NFIA: variants seen among roughly 807,000 people sequenced by gnomAD.
NFIA encodes nuclear factor 1 A-type.
NFIA carries 8 observed loss-of-function variants against 62.8 expected under a neutral mutation model. The observed-to-expected ratio is 0.13, with a 90% CI of 0.07 to 0.23. The LOEUF is 0.23. Ranked by LOEUF, NFIA falls within the 10% of genes least tolerant of loss-of-function variation. The pLI, the probability that NFIA is intolerant of heterozygous loss-of-function variation, is 1.00. For missense variants in NFIA, 410 were observed against 642.1 expected (o/e 0.64, Z 3.91); for synonymous variants, 235 against 238.1 (o/e 0.99, Z 0.12).
At chr1:61,267,413 G>T (rs905139708) in intron 2 of NFIA, among the ~76,000 whole-genome samples, 1 of 152,108 alleles carries the variant, frequency 6.6e-6, no homozygotes, top group African/African-American at 2.4e-5. Flanking sequence ...GGAGGCTGAG[G>T]CAGGAGAATC....
intron 2 of NFIA, among the ~76,000 whole-genome samples, chr1:61,182,095 C>T (rs975559685): frequency 6.6e-6 from 1 of 152,100 alleles, no homozygotes; most frequent in African/African-American, 2.4e-5. Flanking sequence ...ACTTTAAATT[C>T]TTTCTGTATT....
intron 6 of NFIA, among the ~76,000 whole-genome samples, chr1:61,379,099 C>T (rs4397679): frequency 0.072 from 10,888 of 152,154 alleles, 503 homozygotes; most frequent in Middle Eastern, 0.13. Flanking sequence ...ATCACCTTTG[C>T]GGTATAATAT....
chr1:61,226,893 G>C (rs1654368643), intron 2 of NFIA, among the ~76,000 whole-genome samples: 1 of 152,168 alleles, frequency 6.6e-6, no homozygotes, highest in Non-Finnish European at 1.5e-5. Context: ...CGACCAGCCA[G>C]CTTTAACCTC....
intron 2 of NFIA, among the ~76,000 whole-genome samples, chr1:61,153,216 C>A (rs1381507235): frequency 3.9e-5 from 6 of 152,188 alleles, no homozygotes; most frequent in Non-Finnish European, 8.8e-5. Context: ...GGAATCTGTG[C>A]CTTCTAGTTT....
intron 2 of NFIA, among the ~76,000 whole-genome samples, chr1:61,204,441 G>C (rs1045761743): frequency 2.6e-5 from 4 of 152,196 alleles, no homozygotes; most frequent in Admixed American, 2.0e-4. Flanking sequence ...CCTAAAGGTA[G>C]TACCTAATGT....
chr1:61,091,610 G>A (rs571030374), intron 2 of NFIA, among the ~76,000 whole-genome samples: 106 of 152,202 alleles, frequency 7.0e-4, no homozygotes, highest in African/African-American at 2.4e-3. Context: ...TGACAACTTG[G>A]GGATACTATG....
chr1:61,429,140 C>T (rs1666992825), intron 10 of NFIA, among the ~76,000 whole-genome samples: 1 of 152,090 alleles, frequency 6.6e-6, no homozygotes, highest in African/African-American at 2.4e-5. Context: ...CCAATGCAGA[C>T]ATTATAAGTA....
chr1:61,441,930 G>A (rs761882580), intron 10 of NFIA, among the ~76,000 whole-genome samples: 4 of 124,646 alleles, frequency 3.2e-5, no homozygotes, highest in African/African-American at 1.2e-4. Context: ...CACCCCCACC[G>A]TCTTCCAGGA....
chr1:61,274,514 T>C (rs1478077081), intron 2 of NFIA, among the ~76,000 whole-genome samples: 1 of 152,174 alleles, frequency 6.6e-6, no homozygotes, highest in Non-Finnish European at 1.5e-5. Context: ...AACTCACTGG[T>C]ATGGGAGACT....
At position 61,402,033 on chromosome 1, in the gene NFIA, C is replaced by CTTT. The variant is rs10636290; in HGVS notation, c.1076-2051_1076-2049dup. Among the ~76,000 whole-genome samples, 405 of 94,544 alleles carry CTTT rather than the reference C, an allele frequency of 4.3e-3. 10 individuals are homozygous for CTTT. Among genetic ancestry groups the CTTT allele is most frequent in the Middle Eastern group, 8.5e-3 (1 of 118 alleles). 62.0% of individuals were successfully genotyped at this position (94,544 alleles called of 152,430 possible). On this transcript the variant is annotated intron_variant, in intron 7 of 10. Coordinates refer to ENST00000403491, the MANE Select transcript of NFIA (RefSeq NM_001134673.4). The stretch of plus-strand genomic sequence containing the variant: ...GAAGTCCTAAGTTTTACTCATTTTT[C>CTTT]TTTTTTTTTTTTTTTTTTTTTTGAG...
At position 61,365,040 on chromosome 1, in the gene NFIA, A is replaced by T. The variant is rs997071823; in HGVS notation, c.946+5766A>T. ...TCTCTACAAAAAAAAATTTTTAATT[A>T]GCCATGCATAATGGTGTGTGCCCGT... On this transcript the variant is annotated intron_variant, in intron 6 of 10. Transcript: ENST00000403491. Among the ~76,000 whole-genome samples, 6 of 152,306 alleles carry T rather than the reference A, an allele frequency of 3.9e-5. No individual in the cohort carries two copies. The East Asian group carries it at 7.7e-4, about 20-fold the overall frequency.
At chr1:61,191,180 A>G (rs1242034469) in intron 2 of NFIA, among the ~76,000 whole-genome samples, 2 of 152,192 alleles carry the variant, frequency 1.3e-5, no homozygotes, top group Non-Finnish European at 2.9e-5. Context: ...AGACCAAACC[A>G]TTAAGAGATT....
intron 2 of NFIA, among the ~76,000 whole-genome samples, chr1:61,121,901 G>A (rs990223345): frequency 6.6e-6 from 1 of 152,150 alleles, no homozygotes; most frequent in African/African-American, 2.4e-5. Flanking sequence ...GCAGTAGGAA[G>A]ATATGTAGGT....
chr1:61,113,628 T>A (rs1033046105), intron 2 of NFIA, among the ~76,000 whole-genome samples: 2 of 151,056 alleles, frequency 1.3e-5, no homozygotes, highest in Non-Finnish European at 2.9e-5. Flanking sequence ...AGAATATGTT[T>A]GGTAGAAATC....
chr1:61,093,183 A>G (rs1407151712), intron 2 of NFIA, among the ~76,000 whole-genome samples: 1 of 152,148 alleles, frequency 6.6e-6, no homozygotes, highest in African/African-American at 2.4e-5. Context: ...AGCTACATGT[A>G]TGTGTGTTTA....
intron 3 of NFIA, among the ~76,000 whole-genome samples, chr1:61,325,373 C>T (rs1236018526): frequency 6.6e-6 from 1 of 152,190 alleles, no homozygotes; most frequent in Non-Finnish European, 1.5e-5. Context: ...TATTAATTCA[C>T]TCAGGTTTGC....
In NFIA at chr1:61,462,709, A is replaced by G. The variant is rs1668593139; in HGVS notation, c.*7389A>G. 1 of 152,218 alleles carries G rather than the reference A, an allele frequency of 6.6e-6. No homozygotes were observed. Among genetic ancestry groups the G allele is most frequent in the African/African-American group, 2.4e-5 (1 of 41,440 alleles). The allele number at this position is 152,218 out of a possible 1,614,324, so 9.4% of individuals were successfully genotyped here. A position where few individuals can be genotyped will look rare whatever the true frequency, so the allele number is the denominator to read the frequency against. On this transcript the variant is annotated 3_prime_UTR_variant, in exon 11 of 11. Coordinates refer to ENST00000403491, the MANE Select transcript of NFIA (RefSeq NM_001134673.4). ...CAACCATTAGTGCTACCACCTTCTCACATTACAATACAATTACTGGAAGCA... is the reference window on the plus strand; with the variant it reads ...CAACCATTAGTGCTACCACCTTCTCGCATTACAATACAATTACTGGAAGCA...
chr1:61,155,891 C>A (rs1026195113), intron 2 of NFIA, among the ~76,000 whole-genome samples: 4 of 152,128 alleles, frequency 2.6e-5, no homozygotes, highest in African/African-American at 4.8e-5. Context: ...AATCGCAGCA[C>A]TTTGGGAGGC....
intron 2 of NFIA, among the ~76,000 whole-genome samples, chr1:61,114,583 A>G (rs967249370): frequency 6.6e-6 from 1 of 152,196 alleles, no homozygotes; most frequent in African/African-American, 2.4e-5. Context: ...AGTTGGCTTT[A>G]AGGGAGCACG....
Sources: allele counts gnomAD v4.1 joint callset (sites outside exome capture counted in the v4.1 genomes callset), GRCh38; gene constraint gnomAD v4.1.1; transcripts MANE v1.5; gene names NCBI Gene and HGNC (gene_info 2026-07-23, HGNC 2026-07-21).